The following IREB2 variants were observed in gnomAD, a reference collection of about 807,000 sequenced individuals.
IREB2 encodes iron-responsive element-binding protein 2.
Under a neutral mutation model 118.8 loss-of-function variants are expected in IREB2, and 39 were observed. The observed-to-expected ratio is 0.33, with a 90% CI of 0.25 to 0.43. IREB2 has a LOEUF of 0.43. Ranked by LOEUF, IREB2 falls within the 20% of genes least tolerant of loss-of-function variation. The probability of loss-of-function intolerance (pLI) is 1.00; values close to 1 mark genes in which losing one functional copy is unlikely to be tolerated. For synonymous variants in IREB2, 372 were observed against 392.2 expected (o/e 0.95, Z 0.61); for missense variants, 900 against 1,147.3 (o/e 0.78, Z 3.11).
rs536934574 is a variant in IREB2, at chr15:78,451,340, A to T, written c.106+11459A>T. ...CATAGTTTGTCAGTTCCTTCAAGTG[A>T]AAAACTGTTCTTTAAAAAAAAAAAA... On this transcript the variant is annotated intron_variant, in intron 2 of 21. Transcript: ENST00000258886. Among the ~76,000 whole-genome samples, 32 of 152,226 alleles carry T rather than the reference A, an allele frequency of 2.1e-4. 1 individual carries two copies. Among genetic ancestry groups the T allele is most frequent in the African/African-American group, 7.7e-4 (32 of 41,534 alleles).
At chr15:78,465,895 C>G (rs1432774264) in intron 4 of IREB2, among the ~76,000 whole-genome samples, 1 of 152,116 alleles carries the variant, frequency 6.6e-6, no homozygotes, top group East Asian at 1.9e-4. Context: ...TAGAATAAGA[C>G]TGCAATTTAT....
intron 10 of IREB2, among the ~76,000 whole-genome samples, chr15:78,482,391 A>G (rs1178811779): frequency 6.6e-6 from 1 of 152,218 alleles, no homozygotes; most frequent in East Asian, 1.9e-4. Flanking sequence ...CAGAAGAAAT[A>G]AATAGGAATC....
chr15:78,468,516 C>T (rs1023119947), intron 5 of IREB2, among the ~76,000 whole-genome samples: 10 of 150,160 alleles, frequency 6.7e-5, no homozygotes, highest in Non-Finnish European at 1.3e-4. Flanking sequence ...AGTGCTGGGA[C>T]TGCAGGCATG....
rs1031055525 is a variant in IREB2 at position 78,488,665 on chromosome 15, A to G, written c.1970A>G (p.Lys657Arg). 6.2e-7 allele frequency: 1 copy of G among 1,611,000 alleles called. No homozygotes were observed. Among genetic ancestry groups the G allele is most frequent in the South Asian group, 1.1e-5 (1 of 90,264 alleles). Residue 657 changes from lysine to arginine, a missense_variant, in exon 16 of 22, where the codon AAG becomes AGG. Coordinates refer to ENST00000258886, the MANE Select transcript of IREB2 (RefSeq NM_004136.4). ...TAACCAGGTACTGACCCCACCGGCA[A>G]GAACATTTACCTGCATGATATTTGG... is the stretch of plus-strand genomic sequence containing the variant. ...TEPLGTDPTG[K>R]NIYLHDIWPS...
At position 78,497,180 on chromosome 15, in the gene IREB2, A is replaced by T; in HGVS notation, c.2650A>T (p.Ile884Phe). The T allele has an allele frequency of 6.2e-7, 1 of 1,613,990 alleles. No individual in the cohort carries two copies. Among genetic ancestry groups the T allele is most frequent in the Non-Finnish European group, 8.5e-7 (1 of 1,179,882 alleles). The change falls in exon 21 of 22, where the codon ATT becomes TTT. Residue 884 changes from isoleucine to phenylalanine, a missense_variant. Ile to Phe is a conservative substitution (Grantham distance 21). Coordinates refer to ENST00000258886, the MANE Select transcript of IREB2 (RefSeq NM_004136.4). ...TGAAAAAATACACAAAGATCATTTG[A>T]TTGGAATTGGCATAGCTCCACTTCA... ...SYEKIHKDHL[I>F]GIGIAPLQFL...
intron 5 of IREB2, among the ~76,000 whole-genome samples, chr15:78,469,800 T>TTAAGTTATA (rs1406302082): frequency 6.6e-6 from 1 of 152,154 alleles, no homozygotes; most frequent in African/African-American, 2.4e-5. Flanking sequence ...CACGTATAAT[T>TTAAGTTATA]TAAGTTATAT....
chr15:78,494,614 C>A (rs2051808506), intron 20 of IREB2, among the ~76,000 whole-genome samples: 1 of 152,124 alleles, frequency 6.6e-6, no homozygotes, highest in Non-Finnish European at 1.5e-5. Flanking sequence ...GTCCTTGTCA[C>A]CCAGACTGGA....
chr15:78,442,623 C>T (rs965934302), intron 2 of IREB2, among the ~76,000 whole-genome samples: 1 of 152,200 alleles, frequency 6.6e-6, no homozygotes, highest in African/African-American at 2.4e-5. Context: ...ATGCCTGCAG[C>T]TGCAAAGAAC....
At chr15:78,492,268 A>G (rs907837838) in intron 18 of IREB2, among the ~76,000 whole-genome samples, 2 of 152,204 alleles carry the variant, frequency 1.3e-5, no homozygotes, top group African/African-American at 4.8e-5. Context: ...CCAGATTATG[A>G]TTTCTAAATA....
chr15:78,495,999 G>T (rs1220462262), intron 20 of IREB2, among the ~76,000 whole-genome samples: 2 of 152,180 alleles, frequency 1.3e-5, no homozygotes, highest in African/African-American at 4.8e-5. Context: ...GATTGAGCTG[G>T]ATCTTACTGC....
In IREB2 at chr15:78,498,295, G is replaced by T; in HGVS notation, c.*152G>T. On this transcript the variant is annotated 3_prime_UTR_variant, in exon 22 of 22. Coordinates refer to ENST00000258886, the MANE Select transcript of IREB2 (RefSeq NM_004136.4). ...ATGATGATGAATCAACATAGTAACT[G>T]AAATGAAATCTTCTTGATTTTAAAT... 1 of 491,378 alleles carries T rather than the reference G, an allele frequency of 2.0e-6. No homozygotes were observed. The allele number at this position is 491,378 out of a possible 1,614,324, so 30.4% of individuals were successfully genotyped here.
chr15:78,442,171 C>T (rs946633598), intron 2 of IREB2, among the ~76,000 whole-genome samples: 1 of 152,162 alleles, frequency 6.6e-6, no homozygotes, highest in Non-Finnish European at 1.5e-5. Flanking sequence ...GCTGGGATTA[C>T]AGGAGTGAGC....
intron 3 of IREB2, among the ~76,000 whole-genome samples, chr15:78,463,865 T>G (rs2051238403): frequency 6.6e-6 from 1 of 152,192 alleles, no homozygotes; most frequent in South Asian, 2.1e-4. Context: ...AGTTTTTGAT[T>G]GTCTATCTCA....
intron 2 of IREB2, among the ~76,000 whole-genome samples, chr15:78,457,201 C>T (rs1021195049): frequency 2.0e-5 from 3 of 152,104 alleles, no homozygotes; most frequent in African/African-American, 4.8e-5. Flanking sequence ...AATTCCTCCT[C>T]CTGGTATAAT....
At chr15:78,462,724 T>C (rs752629831) in intron 2 of IREB2, among the ~76,000 whole-genome samples, 198 bp from the exon 3 acceptor site, 4 of 152,210 alleles carry the variant, frequency 2.6e-5, no homozygotes, top group Non-Finnish European at 4.4e-5. Flanking sequence ...TTTGAGGTTA[T>C]GTACAGGAAA....
intron 8 of IREB2, 27 bp from the exon 9 acceptor site, chr15:78,476,161 A>T: frequency 6.7e-7 from 1 of 1,498,264 alleles, no homozygotes; most frequent in Non-Finnish European, 9.0e-7. Context: ...GCAATTTTGT[A>T]TGTGTTTCTG....
At chr15:78,469,438 G>T (rs562442345) in intron 5 of IREB2, among the ~76,000 whole-genome samples, 1 of 151,832 alleles carries the variant, frequency 6.6e-6, no homozygotes, top group East Asian at 1.9e-4. Context: ...AAAAAAAGTT[G>T]TCCGAGTGTG....
intron 2 of IREB2, among the ~76,000 whole-genome samples, chr15:78,451,048 TC>T (rs988054902): frequency 6.6e-6 from 1 of 152,266 alleles, no homozygotes; most frequent in Admixed American, 6.5e-5. Context: ...CACTGCAACC[TC>T]CATCTCTTAG....
intron 15 of IREB2, 105 bp downstream of exon 15, chr15:78,488,441 A>T: frequency 9.4e-7 from 1 of 1,066,566 alleles, no homozygotes; most frequent in African/African-American, 1.6e-5. Context: ...GAATTATTTC[A>T]GGAAGACGTA....
Sources: gnomAD v4.1 joint callset for allele counts (sites outside exome capture counted in the v4.1 genomes callset) on GRCh38, gnomAD v4.1.1 for gene constraint, MANE v1.5 for transcripts, NCBI Gene and HGNC (gene_info 2026-07-23, HGNC 2026-07-21) for gene names.